Variants in CDH7 observed in about 807,000 individuals in gnomAD.
CDH7 encodes the protein cadherin 7.
In CDH7, 25 loss-of-function variants were observed where a neutral mutation model predicts 71.8. The observed-to-expected ratio is 0.35, with a 90% CI of 0.25 to 0.49. CDH7 has a LOEUF of 0.49. Among genes scored for constraint, CDH7 ranks in the 20% least tolerant of loss-of-function variants. The pLI, the probability that CDH7 is intolerant of heterozygous loss-of-function variation, is 0.99. For synonymous variants in CDH7, 381 were observed against 363.8 expected, an observed-to-expected ratio of 1.05 and a Z score of -0.54; for missense variants, 862 against 974.6, an observed-to-expected ratio of 0.88 and a Z score of 1.54.
intron 2 of CDH7, among the ~76,000 whole-genome samples, chr18:65,782,798 T>A (rs777531434): frequency 6.6e-6 from 1 of 152,216 alleles, no homozygotes; most frequent in Non-Finnish European, 1.5e-5. Context: ...CTATAACTAA[T>A]GCCTGGAAAA....
At position 65,782,180 on chromosome 18, in the gene CDH7, T is replaced by TTCTTTCTTTCTTTCTTTCTTTCTC; in HGVS notation, c.210+19136_210+19137insTCTTTCTTTCTTTCTCTCTTTCTT. The stretch of plus-strand genomic sequence containing the variant: ...TTTCTTTCTTCCTTTCTTTCTTTCT[T>TTCTTTCTTTCTTTCTTTCTTTCTC]TCTTTCTTGACAGAGTCTCACTCCG... On this transcript the variant is annotated intron_variant, in intron 2 of 11. Transcript: ENST00000397968. 9.4e-5 allele frequency among the ~76,000 whole-genome samples: 13 copies of TTCTTTCTTTCTTTCTTTCTTTCTC among 138,670 alleles called. 1 individual carries two copies. The highest frequency in any genetic ancestry group is 3.9e-4 in the African/African-American group (13 of 32,964). The allele number at this position is 138,670 out of a possible 152,430, so 91.0% of individuals were successfully genotyped here. A position where few individuals can be genotyped will look rare whatever the true frequency, so the allele number is the denominator to read the frequency against.
rs1382100023 is a variant in CDH7 at position 65,825,788 on chromosome 18, A to G, written c.981+957A>G. ...ACATTTCTGCAATTATTTCCAGTGG[A>G]CAGCTGCTGTTTTAGCTAAGCTGGT... On this transcript the variant is annotated intron_variant, in intron 6 of 11. Transcript: ENST00000397968. Among the ~76,000 whole-genome samples, 5 of 152,026 alleles carry G rather than the reference A, an allele frequency of 3.3e-5. No homozygotes were observed. In the East Asian group the frequency reaches 9.6e-4, roughly 29 times the overall value.
At chr18:65,871,867 G>C (rs1177073831) in intron 11 of CDH7, among the ~76,000 whole-genome samples, 1 of 152,040 alleles carries the variant, frequency 6.6e-6, no homozygotes, top group East Asian at 1.9e-4. Flanking sequence ...TTTAAAATAT[G>C]GTCTGGTTAT....
At chr18:65,853,918 T>TATATATCC (rs1913240044) in intron 7 of CDH7, among the ~76,000 whole-genome samples, 1 of 66,310 alleles carries the variant, frequency 1.5e-5, no homozygotes, top group African/African-American at 8.6e-5. Context: ...TATATATATA[T>TATATATCC]ATATATATAT....
chr18:65,769,943 G>A (rs1916493904), intron 2 of CDH7, among the ~76,000 whole-genome samples: 1 of 151,968 alleles, frequency 6.6e-6, no homozygotes, highest in Non-Finnish European at 1.5e-5. Flanking sequence ...GTTCCTTCAC[G>A]GAATGAACAT....
rs1484451410 is a variant in CDH7, at chr18:65,887,805, A to T, written c.*6911A>T. On this transcript the variant is annotated 3_prime_UTR_variant, in exon 12 of 12. Transcript: ENST00000397968. ...TTTGTAAAGTTTCTCTTTAGTAGAGATTTCAGAATTTTTTTTCTCAAATTT... is the reference window on the plus strand; with the variant it reads ...TTTGTAAAGTTTCTCTTTAGTAGAGTTTTCAGAATTTTTTTTCTCAAATTT... 1 of 152,148 alleles carries T rather than the reference A, an allele frequency of 6.6e-6. No homozygotes were observed. Among genetic ancestry groups the T allele is most frequent in the Non-Finnish European group, 1.5e-5 (1 of 68,026 alleles). 9.4% of individuals were successfully genotyped at this position (152,148 alleles called of 1,614,324 possible).
chr18:65,783,179 A>G (rs1032212426), intron 2 of CDH7, among the ~76,000 whole-genome samples: 3 of 152,226 alleles, frequency 2.0e-5, no homozygotes, highest in Admixed American at 6.5e-5. Context: ...AACTCTATCT[A>G]TTCAGGAAAG....
chr18:65,783,306 CAG>C (rs1962297891), intron 2 of CDH7, among the ~76,000 whole-genome samples: 1 of 152,102 alleles, frequency 6.6e-6, no homozygotes. Flanking sequence ...GGTAAATTAA[CAG>C]AAAGATAATT....
chr18:65,826,819 T>C (rs1272864777), intron 6 of CDH7, among the ~76,000 whole-genome samples: 1 of 151,592 alleles, frequency 6.6e-6, no homozygotes, highest in African/African-American at 2.4e-5. Context: ...AGATCAAAAT[T>C]ATTTTACAAA....
rs571941685 is a variant in CDH7, at chr18:65,791,117, A to G, written c.211-18587A>G. ...TTCCTTTACATTTATAAAATATTTGAAGAATGATTTAATCTGAATATTAGA... is the reference window on the plus strand; with the variant it reads ...TTCCTTTACATTTATAAAATATTTGGAGAATGATTTAATCTGAATATTAGA... On this transcript the variant is annotated intron_variant, in intron 2 of 11. Transcript: ENST00000397968. Among the ~76,000 whole-genome samples the G allele has an allele frequency of 2.5e-3, 386 of 152,310 alleles. 1 individual carries two copies. Among genetic ancestry groups the G allele is most frequent in the Middle Eastern group, 3.4e-3 (1 of 294 alleles).
intron 2 of CDH7, among the ~76,000 whole-genome samples, chr18:65,771,534 G>A (rs189356333): frequency 1.5e-4 from 23 of 151,824 alleles, no homozygotes; most frequent in Admixed American, 6.6e-5. Context: ...TTAGCCGGAC[G>A]TCATTGCATG....
intron 6 of CDH7, among the ~76,000 whole-genome samples, chr18:65,835,069 A>G (rs941383862): frequency 6.6e-6 from 1 of 152,082 alleles, no homozygotes; most frequent in African/African-American, 2.4e-5. Flanking sequence ...GCCTCTATGG[A>G]GGTGGCTGGC....
chr18:65,871,402 C>T (rs903962701), intron 11 of CDH7, among the ~76,000 whole-genome samples: 1 of 152,114 alleles, frequency 6.6e-6, no homozygotes, highest in Non-Finnish European at 1.5e-5. Context: ...AGTAAAGGAT[C>T]TCACCTACCT....
intron 11 of CDH7, among the ~76,000 whole-genome samples, chr18:65,871,675 A>G (rs889463810): frequency 1.7e-4 from 26 of 152,292 alleles, no homozygotes; most frequent in African/African-American, 6.0e-4. Flanking sequence ...AATCAGAGGA[A>G]CGTTAATGAG....
chr18:65,766,832 A>T (rs1194135775), intron 2 of CDH7, among the ~76,000 whole-genome samples: 1 of 138,386 alleles, frequency 7.2e-6, no homozygotes, highest in Non-Finnish European at 1.5e-5. Flanking sequence ...TCTTCAGCCC[A>T]GTCTGTTAAT....
At chr18:65,799,816 A>G (rs1911053949) in intron 2 of CDH7, among the ~76,000 whole-genome samples, 2 of 152,324 alleles carry the variant, frequency 1.3e-5, no homozygotes, top group South Asian at 4.1e-4. Context: ...TCCCTGAAAC[A>G]TGAACTATGG....
intron 6 of CDH7, among the ~76,000 whole-genome samples, chr18:65,837,324 T>C (rs1912564857): frequency 1.3e-5 from 2 of 152,172 alleles, no homozygotes; most frequent in Non-Finnish European, 2.9e-5. Flanking sequence ...GCAGAGTTTT[T>C]ATGAGCTAGG....
chr18:65,792,856 A>T (rs1474308421), intron 2 of CDH7, among the ~76,000 whole-genome samples: 1 of 152,164 alleles, frequency 6.6e-6, no homozygotes, highest in Non-Finnish European at 1.5e-5. Context: ...ATTATTAAAG[A>T]TAAGGGAGGC....
At chr18:65,786,766 C>T (rs1049788020) in intron 2 of CDH7, among the ~76,000 whole-genome samples, 1 of 152,056 alleles carries the variant, frequency 6.6e-6, no homozygotes, top group Non-Finnish European at 1.5e-5. Flanking sequence ...TCACTGAAGC[C>T]CCAAATTCCT....
Sources: allele counts gnomAD v4.1 joint callset (sites outside exome capture counted in the v4.1 genomes callset), GRCh38; gene constraint gnomAD v4.1.1; transcripts MANE v1.5; gene names NCBI Gene and HGNC (gene_info 2026-07-23, HGNC 2026-07-21).